The following CEP104 variants were observed in gnomAD, a reference collection of about 807,000 sequenced individuals.
CEP104 encodes centrosomal protein 104.
A neutral mutation model predicts 113.3 loss-of-function variants in CEP104; 84 were observed. The ratio of observed to expected loss-of-function variants is 0.74; its 90% CI spans 0.62 to 0.89. CEP104 has a LOEUF of 0.89. Among genes scored for constraint, CEP104 ranks in the 40% least tolerant of loss-of-function variants. CEP104 has a pLI of 0.00. For missense variants in CEP104, 1,053 were observed against 1,156.6 expected (o/e 0.91, Z 1.30); for synonymous variants, 378 against 421.7 (o/e 0.90, Z 1.27).
chr1:3,825,728 A>T, intron 18 of CEP104, 30 bp downstream of exon 18: 1 of 1,420,668 alleles, frequency 7.0e-7, no homozygotes, highest in Non-Finnish European at 1.0e-6. Flanking sequence ...CGCTCATGCA[A>T]GTAGCTGGCT....
intron 12 of CEP104, 178 bp downstream of exon 12, chr1:3,833,684 A>C (rs1644258384): frequency 2.0e-6 from 1 of 490,962 alleles, no homozygotes; most frequent in African/African-American, 1.9e-5. Flanking sequence ...ATTTTAACTG[A>C]AGTTTATGTC....
rs1644553696 is a variant in CEP104, at chr1:3,848,643, A to C, written c.252T>G (p.Phe84Leu). 1.9e-6 allele frequency: 3 copies of C among 1,613,680 alleles called. No homozygotes were observed. The highest frequency in any genetic ancestry group is 2.5e-6 in the Non-Finnish European group (3 of 1,179,908). Reference sequence around the variant, plus strand: ...GAAACCGCTCTGCTTGATAGGGTGCAAAATATTCAGGCAAGCTTTCACTAA... The same window carrying C: ...GAAACCGCTCTGCTTGATAGGGTGCCAAATATTCAGGCAAGCTTTCACTAA... The part of the protein sequence containing the change: ...FYISESLPEY[F>L]APYQAERFRR... The change falls in exon 3 of 22, where the codon TTT becomes TTG. Residue 84 changes from phenylalanine to leucine, a missense_variant. By Grantham distance (22) the Phe-to-Leu change is conservative. Coordinates refer to ENST00000378230, the MANE Select transcript of CEP104 (RefSeq NM_014704.4).
intron 2 of CEP104, among the ~76,000 whole-genome samples, chr1:3,849,478 C>T (rs189404982): frequency 1.3e-5 from 2 of 152,256 alleles, no homozygotes; most frequent in Non-Finnish European, 2.9e-5. Flanking sequence ...GGATCCTCCC[C>T]CTTCGGCCTC....
chr1:3,839,484 T>C, intron 7 of CEP104, 124 bp downstream of exon 7: 1 of 881,250 alleles, frequency 1.1e-6, no homozygotes, highest in Non-Finnish European at 1.8e-6. Flanking sequence ...TTTGCTGAGA[T>C]CTTTGAACTC....
intron 1 of CEP104, among the ~76,000 whole-genome samples, chr1:3,852,872 A>G (rs1323469664): frequency 6.6e-6 from 1 of 152,012 alleles, no homozygotes; most frequent in Non-Finnish European, 1.5e-5. Context: ...ACAGAGGCAG[A>G]GACCGGAGCA....
At chr1:3,844,873 A>C in intron 6 of CEP104, 34 bp downstream of exon 6, 1 of 1,563,554 alleles carries the variant, frequency 6.4e-7, no homozygotes, top group Non-Finnish European at 8.8e-7. Context: ...GAGGAAAGTA[A>C]AAGAAGTTCA....
In CEP104 at chr1:3,837,512, C is replaced by G. The variant is rs1570813919; in HGVS notation, c.899G>C (p.Arg300Thr). ...GGGCTGGAGGGGCAAATCAAAAGGT[C>G]TTCGCATCTAGAGAACAAAAAGGAA... ...HSLLDAELMRRPFDLPLQPLA... is the reference protein window; with the variant it reads ...HSLLDAELMRTPFDLPLQPLA... The change falls in exon 9 of 22, where the codon AGA (arginine) becomes ACA (threonine). Residue 300 changes from arginine (R) to threonine (T), a missense_variant. Coordinates refer to ENST00000378230, the MANE Select transcript of CEP104 (RefSeq NM_014704.4). 4 of 1,614,148 alleles carry G rather than the reference C, an allele frequency of 2.5e-6. No individual in the cohort carries two copies. The highest frequency in any genetic ancestry group is 3.4e-6 in the Non-Finnish European group (4 of 1,180,000).
intron 20 of CEP104, among the ~76,000 whole-genome samples, chr1:3,817,676 C>T (rs771660230): frequency 3.9e-5 from 6 of 152,178 alleles, no homozygotes; most frequent in Non-Finnish European, 8.8e-5. Context: ...CCCCCTCCCC[C>T]GTGGAGGGAC....
At chr1:3,817,598 C>T (rs539085652) in intron 20 of CEP104, among the ~76,000 whole-genome samples, 5 of 152,208 alleles carry the variant, frequency 3.3e-5, no homozygotes, top group Non-Finnish European at 5.9e-5. Context: ...TGGCAACCTT[C>T]GTGTCCCTAA....
chr1:3,839,064 TC>T lies in CEP104; in HGVS notation c.790del (p.Glu264LysfsTer34). The T allele has an allele frequency of 1.2e-6, 2 of 1,614,126 alleles. No individual in the cohort carries two copies. Among genetic ancestry groups the T allele is most frequent in the Non-Finnish European group, 1.7e-6 (2 of 1,180,014 alleles). On this transcript the variant is annotated frameshift_variant, in exon 8 of 22. Transcript: ENST00000378230. LOFTEE classifies it high-confidence loss of function. ...CTTCTCCTTGGCGAGATCGTAGTCT[TC>T]CTTCTCCACGGCACAGCGTTTCTCT... ...EVEKRCAVEKEDYDLAKEKKQ... is the reference protein window; with the variant it reads ...EVEKRCAVEKXDYDLAKEKKQ...
intron 20 of CEP104, among the ~76,000 whole-genome samples, chr1:3,821,426 T>G (rs1157670721): frequency 2.6e-5 from 4 of 152,144 alleles, no homozygotes; most frequent in Non-Finnish European, 5.9e-5. Flanking sequence ...TGAAAACCAG[T>G]AAACCAAGGA....
chr1:3,823,703 T>C lies in CEP104; in HGVS notation c.2365-141A>G. On this transcript the variant is annotated intron_variant, in intron 18 of 21. Transcript: ENST00000378230. This position sits in a 1 kb window ranked among gnomAD's most constrained non-coding sequence, Gnocchi z 4.1. ...ATGAAGTAAGCCACAGGCTTCTATC[T>C]TCGGCATTTGCCCACAGACTGTCTG... is the stretch of plus-strand genomic sequence containing the variant. 1 of 988,012 alleles carries C rather than the reference T, an allele frequency of 1.0e-6. No homozygotes were observed. Among genetic ancestry groups the C allele is most frequent in the Non-Finnish European group, 1.5e-6 (1 of 665,562 alleles). The allele number at this position is 988,012 out of a possible 1,614,324, so 61.2% of individuals were successfully genotyped here. A position where few individuals can be genotyped will look rare whatever the true frequency, so the allele number is the denominator to read the frequency against.
intron 13 of CEP104, among the ~76,000 whole-genome samples, chr1:3,830,845 G>A (rs1373929630): frequency 6.6e-6 from 1 of 151,482 alleles, no homozygotes; most frequent in Non-Finnish European, 1.5e-5. Context: ...ATAAAGATCT[G>A]CACACACCAT....
intron 2 of CEP104, among the ~76,000 whole-genome samples, chr1:3,850,689 G>A (rs1305045376): frequency 6.6e-6 from 1 of 152,192 alleles, no homozygotes; most frequent in East Asian, 1.9e-4. Flanking sequence ...TTTCTGCGAT[G>A]TGCCTGACCT....
At chr1:3,817,879 C>T (rs1325822955) in intron 20 of CEP104, among the ~76,000 whole-genome samples, 1 of 152,362 alleles carries the variant, frequency 6.6e-6, no homozygotes, top group African/African-American at 2.4e-5. Flanking sequence ...GTCGCGAGAA[C>T]GCCGTGCCCA....
At chr1:3,853,520 C>T (rs890103218) in intron 1 of CEP104, among the ~76,000 whole-genome samples, 6 of 152,130 alleles carry the variant, frequency 3.9e-5, no homozygotes, top group African/African-American at 9.7e-5. Context: ...TATAAACATA[C>T]CCCCACATAA....
chr1:3,839,767 G>A lies in CEP104; in HGVS notation c.576C>T (p.Asp192=), dbSNP rs1423847153. The change falls in exon 7 of 22, where the codon GAC becomes GAT. Residue 192 remains aspartate, a synonymous_variant. Coordinates refer to ENST00000378230, the MANE Select transcript of CEP104 (RefSeq NM_014704.4). The part of the protein sequence containing the change: ...ALEGTYARKS[D]YISPLDDLAF... ...CTAAGTCATCTAGCGGAGAGATATAGTCAGATTTCCTAAAGGGAAGAAATG... is the reference window on the plus strand; with the variant it reads ...CTAAGTCATCTAGCGGAGAGATATAATCAGATTTCCTAAAGGGAAGAAATG... 5.6e-6 allele frequency: 9 copies of A among 1,609,486 alleles called. No individual in the cohort carries two copies. The highest frequency in any genetic ancestry group is 7.6e-6 in the Non-Finnish European group (9 of 1,178,750).
intron 13 of CEP104, 22 bp from the exon 14 acceptor site, chr1:3,830,019 G>A: frequency 6.4e-7 from 1 of 1,565,038 alleles, no homozygotes; most frequent in South Asian, 1.1e-5. Context: ...AGGGGCTCTT[G>A]TTACTCATTC....
In CEP104 at chr1:3,823,642, G is replaced by A. The variant is rs1322294549; in HGVS notation, c.2365-80C>T. On this transcript the variant is annotated intron_variant, in intron 18 of 21. Transcript: ENST00000378230. This position sits in a 1 kb window ranked among gnomAD's most constrained non-coding sequence, Gnocchi z 4.1. ...CAGCCAGCCTGCAGAGCCTGTGAGC[G>A]CCTCCCCTGCCCAGGGAGGTCTGTG... 8.9e-6 allele frequency: 14 copies of A among 1,567,504 alleles called. No individual in the cohort carries two copies. Among genetic ancestry groups the A allele is most frequent in the Non-Finnish European group, 1.1e-5 (13 of 1,145,098 alleles).
Sources: allele counts gnomAD v4.1 joint callset (sites outside exome capture counted in the v4.1 genomes callset), GRCh38; gene constraint gnomAD v4.1.1; non-coding constraint Gnocchi (gnomAD v3.1); transcripts MANE v1.5; gene names NCBI Gene and HGNC (gene_info 2026-07-23, HGNC 2026-07-21).